The following NDST4 variants were observed in gnomAD, a reference collection of about 807,000 sequenced individuals.
The protein encoded by NDST4 is N-deacetylase and N-sulfotransferase 4.
Under a neutral mutation model 100.8 loss-of-function variants are expected in NDST4, and 63 were observed. The ratio of observed to expected loss-of-function variants is 0.62; its 90% CI spans 0.51 to 0.77. The LOEUF (loss-of-function observed/expected upper bound fraction) is 0.77, where lower values mean the gene tolerates loss of function less well. Among genes scored for constraint, NDST4 ranks in the 30% least tolerant of loss-of-function variants. The pLI is 0.00. For missense variants in NDST4, 943 were observed against 1,018.4 expected (o/e 0.93, Z 1.01); for synonymous variants, 377 against 361.8 (o/e 1.04, Z -0.48).
chr4:115,036,978 T>A (rs943450192), intron 2 of NDST4, among the ~76,000 whole-genome samples: 1 of 151,956 alleles, frequency 6.6e-6, no homozygotes, highest in East Asian at 1.9e-4. Context: ...AAAAATAGCT[T>A]TTTATATATT....
At position 114,978,670 on chromosome 4, in the gene NDST4, T is replaced by C. The variant is rs926374230; in HGVS notation, c.979-1396A>G. Among the ~76,000 whole-genome samples the C allele has an allele frequency of 2.2e-4, 34 of 152,200 alleles. No homozygotes were observed. The Middle Eastern group carries it at 0.014, about 61-fold the overall frequency. ...ATACAGCCTTAAAATAAGAATATTA[T>C]GCATTATTTCCCTTAGTGAGTTCCC... is the stretch of plus-strand genomic sequence containing the variant. On this transcript the variant is annotated intron_variant, in intron 2 of 13. Transcript: ENST00000264363.
chr4:115,100,418 C>A (rs1729707463), intron 1 of NDST4, among the ~76,000 whole-genome samples: 1 of 151,902 alleles, frequency 6.6e-6, no homozygotes, highest in Non-Finnish European at 1.5e-5. Flanking sequence ...TATGGAAAGT[C>A]TTTGTACTTT....
At chr4:114,933,453 T>TTTTTTTTTTTTTTTTTTTTTGTG (rs1299578963) in intron 6 of NDST4, among the ~76,000 whole-genome samples, 1 of 141,002 alleles carries the variant, frequency 7.1e-6, no homozygotes, top group African/African-American at 2.8e-5. Context: ...TTTTTTTTTT[T>TTTTTTTTTTTTTTTTTTTTTGTG]TGTGTGTAAA....
intron 2 of NDST4, among the ~76,000 whole-genome samples, chr4:115,033,966 A>G (rs1055842185): frequency 1.3e-5 from 2 of 152,162 alleles, no homozygotes; most frequent in Non-Finnish European, 2.9e-5. Flanking sequence ...ATCAATGTTT[A>G]TCGTATTTTG....
At chr4:114,848,575 A>G (rs553283142) in intron 8 of NDST4, among the ~76,000 whole-genome samples, 4 of 152,306 alleles carry the variant, frequency 2.6e-5, no homozygotes, top group Admixed American at 1.3e-4. Context: ...GCCAAAGTAA[A>G]GCAGACTGAT....
intron 6 of NDST4, among the ~76,000 whole-genome samples, chr4:114,913,013 T>C (rs1404886743): frequency 6.6e-6 from 1 of 152,096 alleles, no homozygotes; most frequent in Non-Finnish European, 1.5e-5. Flanking sequence ...TGAAACTGAT[T>C]CTGACTTTCT....
intron 2 of NDST4, among the ~76,000 whole-genome samples, chr4:115,025,714 A>G (rs1727969083): frequency 6.6e-6 from 1 of 152,142 alleles, no homozygotes; most frequent in Admixed American, 6.6e-5. Flanking sequence ...ATGGAATAGA[A>G]GTTAATATGC....
intron 6 of NDST4, among the ~76,000 whole-genome samples, chr4:114,905,391 C>A (rs1160351133): frequency 6.6e-6 from 1 of 151,696 alleles, no homozygotes; most frequent in African/African-American, 2.4e-5. Flanking sequence ...ACAGAGAGGA[C>A]AATCTGATTT....
chr4:115,077,722 T>G (rs1409048639), intron 1 of NDST4, among the ~76,000 whole-genome samples: 1 of 152,220 alleles, frequency 6.6e-6, no homozygotes, highest in Non-Finnish European at 1.5e-5. Flanking sequence ...TGCCTGAGTC[T>G]CTGGAATTCC....
intron 4 of NDST4, among the ~76,000 whole-genome samples, chr4:114,944,004 T>C (rs756830447): frequency 8.5e-5 from 13 of 152,112 alleles, no homozygotes; most frequent in Non-Finnish European, 1.5e-4. Context: ...TCAAGTATAA[T>C]GACTAAGGAT....
At chr4:114,995,529 A>G (rs897155352) in intron 2 of NDST4, among the ~76,000 whole-genome samples, 1 of 152,056 alleles carries the variant, frequency 6.6e-6, no homozygotes, top group African/African-American at 2.4e-5. Context: ...TTAGACATAC[A>G]TGTACAGTCA....
chr4:114,990,159 A>T (rs919320795), intron 2 of NDST4, among the ~76,000 whole-genome samples: 2 of 152,078 alleles, frequency 1.3e-5, no homozygotes, highest in African/African-American at 4.8e-5. Context: ...TTCTTTTAAA[A>T]TTTAAGAAGC....
intron 2 of NDST4, among the ~76,000 whole-genome samples, chr4:115,012,549 C>G (rs974533570): frequency 6.6e-6 from 1 of 151,950 alleles, no homozygotes; most frequent in Non-Finnish European, 1.5e-5. Context: ...TGTTTTTACT[C>G]CATGAATTTT....
At chr4:115,075,338 CA>C (rs1729155813) in intron 2 of NDST4, among the ~76,000 whole-genome samples, 1 of 152,148 alleles carries the variant, frequency 6.6e-6, no homozygotes, top group African/African-American at 2.4e-5. Flanking sequence ...ATTTACACCA[CA>C]ATTTTCAAAC....
intron 4 of NDST4, among the ~76,000 whole-genome samples, chr4:114,953,100 C>T (rs1726058555): frequency 6.7e-6 from 1 of 148,524 alleles, no homozygotes; most frequent in South Asian, 2.1e-4. Context: ...CTTTGCAGTG[C>T]TGCGTGGTGG....
At chr4:114,884,751 T>C (rs1724441915) in intron 6 of NDST4, among the ~76,000 whole-genome samples, 1 of 152,186 alleles carries the variant, frequency 6.6e-6, no homozygotes, top group Admixed American at 6.6e-5. Context: ...AGAAAGCATA[T>C]GAATGGTTCT....
chr4:115,053,833 C>T (rs1728637779), intron 2 of NDST4, among the ~76,000 whole-genome samples: 1 of 152,082 alleles, frequency 6.6e-6, no homozygotes, highest in South Asian at 2.1e-4. Context: ...TCTCTACCTT[C>T]CTGTAACAAC....
At chr4:114,967,440 G>A (rs1462385540) in intron 4 of NDST4, among the ~76,000 whole-genome samples, 1 of 152,048 alleles carries the variant, frequency 6.6e-6, no homozygotes, top group African/African-American at 2.4e-5. Flanking sequence ...TCATTACAAA[G>A]CAATTACATC....
chr4:114,869,607 C>G (rs2126196366), intron 7 of NDST4, among the ~76,000 whole-genome samples: 1 of 152,154 alleles, frequency 6.6e-6, no homozygotes, highest in South Asian at 2.1e-4. Context: ...GGTAGATGGT[C>G]AAGTAACTTA....
Sources: allele counts gnomAD v4.1 joint callset (sites outside exome capture counted in the v4.1 genomes callset), GRCh38; gene constraint gnomAD v4.1.1; transcripts MANE v1.5; gene names NCBI Gene and HGNC (gene_info 2026-07-23, HGNC 2026-07-21).